OTOG: variants seen among roughly 807,000 people sequenced by gnomAD.
OTOG encodes otogelin.
OTOG carries 296 observed loss-of-function variants against 313.8 expected under a neutral mutation model. The observed-to-expected ratio is 0.94, with a 90% CI of 0.86 to 1.04. The LOEUF is 1.04. Among genes scored for constraint, OTOG ranks in the 50% least tolerant of loss-of-function variants. The probability of loss-of-function intolerance (pLI) is 0.00; values close to 1 mark genes in which losing one functional copy is unlikely to be tolerated. For synonymous variants in OTOG, 1,533 were observed against 1,554.9 expected, an observed-to-expected ratio of 0.99 and a Z score of 0.33; for missense variants, 3,948 against 3,840.1, an observed-to-expected ratio of 1.03 and a Z score of -0.74.
Position 17,594,039 on chromosome 11 carries a change from C to T in OTOG, c.3289-8C>T, listed in dbSNP as rs12792504. 9.5e-5 allele frequency: 148 copies of T among 1,550,476 alleles called. No individual in the cohort carries two copies. The highest frequency in any genetic ancestry group is 1.2e-4 in the Non-Finnish European group (142 of 1,147,004). On this transcript the variant is annotated splice_region_variant and splice_polypyrimidine_tract_variant and intron_variant, in intron 27 of 55. Coordinates refer to ENST00000399397, the MANE Select transcript of OTOG (RefSeq NM_001292063.2). The stretch of plus-strand genomic sequence containing the variant: ...TGCAACTGACCATGGTGTCCTCTCT[C>T]CTTTCAGGGCCAGCTGGCGGGCCTC...
Position 17,611,004 on chromosome 11 carries a change from C to A in OTOG, c.5704C>A (p.Pro1902Thr). 6.4e-7 allele frequency: 1 copy of A among 1,550,568 alleles called. No homozygotes were observed. The highest frequency in any genetic ancestry group is 2.0e-5 in the Admixed American group (1 of 51,010). Residue 1902 changes from proline (P) to threonine (T), a missense_variant, in exon 36 of 56, where the codon CCA (proline) becomes ACA (threonine). Physicochemically the swap from Pro to Thr is conservative, Grantham distance 38. Transcript: ENST00000399397. ...CACGGCCTCCATGGTATCTGTTGTC[C>A]CACGAAAGAGCACCACAGGGAAGGT... ...EGTASMVSVV[P>T]RKSTTGKVAI...
chr11:17,639,641 A>G (rs141906256), intron 49 of OTOG, among the ~76,000 whole-genome samples, 178 bp downstream of exon 49: 96 of 152,308 alleles, frequency 6.3e-4, no homozygotes, highest in African/African-American at 2.0e-3. Flanking sequence ...TCCTTTGTAA[A>G]GTGGACATAA....
chr11:17,645,475 A>G, intron 54 of OTOG, 89 bp from the exon 55 acceptor site: 2 of 1,231,600 alleles, frequency 1.6e-6, no homozygotes, highest in Non-Finnish European at 2.3e-6. Flanking sequence ...ACCCTCCAGC[A>G]TGACACTAAC....
chr11:17,635,240 G>A, intron 46 of OTOG, 53 bp downstream of exon 46: 1 of 1,424,126 alleles, frequency 7.0e-7, no homozygotes, highest in Non-Finnish European at 9.5e-7. Context: ...CAGTCCGCCG[G>A]CCTCACCCCT....
intron 14 of OTOG, 43 bp downstream of exon 14, chr11:17,561,180 T>A: frequency 6.5e-7 from 1 of 1,548,766 alleles, no homozygotes; most frequent in South Asian, 1.2e-5. Context: ...CTTCTACCAG[T>A]CTGATAGGTT....
Position 17,604,534 on chromosome 11 carries a change from C to G in OTOG, c.3878-1323C>G, listed in dbSNP as rs1214019635. On this transcript the variant is annotated intron_variant, in intron 32 of 55. Coordinates refer to ENST00000399397, the MANE Select transcript of OTOG (RefSeq NM_001292063.2). ...CTGCATCCAGCCCTGCCTCCCTCAT[C>G]CGCCGTCAGTGTGACTCTGGGCCTC... Among the ~76,000 whole-genome samples the G allele has an allele frequency of 2.0e-5, 3 of 152,350 alleles. No homozygotes were observed. In the East Asian group the frequency reaches 5.8e-4, roughly 29 times the overall value.
chr11:17,547,455 T>C lies in OTOG; in HGVS notation c.83T>C (p.Val28Ala). Residue 28 changes from valine to alanine, a missense_variant, in exon 1 of 56, where the codon GTG (valine) becomes GCG (alanine). Physicochemically the swap from Val to Ala is moderately conservative, Grantham distance 64. Transcript: ENST00000399397. The part of the protein sequence containing the change: ...WGEQAAESLR[V>A]QRLAAAPVLW... ...GAGCAGGCAGCCGAGTCCCTGCGGG[T>C]GCAGCGCCTCGGTGAGAGGGTTGTG... The C allele has an allele frequency of 7.3e-7, 1 of 1,374,868 alleles. No homozygotes were observed. Among genetic ancestry groups the C allele is most frequent in the Non-Finnish European group, 9.3e-7 (1 of 1,069,944 alleles). 85.2% of individuals were successfully genotyped at this position (1,374,868 alleles called of 1,614,324 possible).
intron 38 of OTOG, among the ~76,000 whole-genome samples, chr11:17,613,190 C>CTTTCTTTCT (rs1853613048): frequency 1.0e-5 from 1 of 98,166 alleles, no homozygotes; most frequent in African/African-American, 5.3e-5. Flanking sequence ...TTCTTTCTTT[C>CTTTCTTTCT]TTTCTTTTCT....
At chr11:17,622,616 C>A (rs1853891592) in intron 39 of OTOG, among the ~76,000 whole-genome samples, 1 of 152,110 alleles carries the variant, frequency 6.6e-6, no homozygotes, top group Non-Finnish European at 1.5e-5. Flanking sequence ...GTTTGTCTTT[C>A]TGTGCCTGCT....
At chr11:17,590,293 G>T (rs75755260) in intron 24 of OTOG, among the ~76,000 whole-genome samples, 1 of 152,108 alleles carries the variant, frequency 6.6e-6, no homozygotes, top group Non-Finnish European at 1.5e-5. Context: ...TTCTCCCTCA[G>T]CCTTCCCCAT....
At chr11:17,617,134 C>A (rs550764830) in intron 39 of OTOG, among the ~76,000 whole-genome samples, 2 of 152,156 alleles carry the variant, frequency 1.3e-5, no homozygotes, top group South Asian at 4.1e-4. Context: ...TTCTTTTTCA[C>A]ATTATTAATT....
chr11:17,553,571 G>T (rs1160501564), intron 6 of OTOG, 52 bp downstream of exon 6: 3 of 1,370,964 alleles, frequency 2.2e-6, no homozygotes, highest in Non-Finnish European at 2.8e-6. Context: ...AGGCCCTGGA[G>T]GCTGCACTGG....
rs1852121205 is a variant in OTOG, at chr11:17,559,112, C to A, written c.1164C>A (p.Ala388=). 1 of 1,544,420 alleles carries A rather than the reference C, an allele frequency of 6.5e-7. No individual in the cohort carries two copies. The highest frequency in any genetic ancestry group is 8.7e-7 in the Non-Finnish European group (1 of 1,146,960). ...TGGCGGAGTATGCCCGGGCGTGTGC[C>A]CAGGCAGGGCGGCCCTTGCAAGGCT... ...RALAEYARAC[A]QAGRPLQGWR... The change falls in exon 11 of 56, where the codon GCC becomes GCA. Residue 388 remains alanine (A), a synonymous_variant. Coordinates refer to ENST00000399397, the MANE Select transcript of OTOG (RefSeq NM_001292063.2).
At chr11:17,613,740 C>T in intron 39 of OTOG, 39 bp downstream of exon 39, 1 of 1,520,330 alleles carries the variant, frequency 6.6e-7, no homozygotes, top group Non-Finnish European at 8.9e-7. Flanking sequence ...GGCAGGGCCA[C>T]AGTCAGCTGA....
At position 17,586,543 on chromosome 11, in the gene OTOG, T is replaced by G; in HGVS notation, c.2829T>G (p.Tyr943Ter). The G allele has an allele frequency of 6.9e-7, 1 of 1,441,628 alleles. No homozygotes were observed. Among genetic ancestry groups the G allele is most frequent in the Non-Finnish European group, 9.1e-7 (1 of 1,092,908 alleles). 89.3% of individuals were successfully genotyped at this position (1,441,628 alleles called of 1,614,324 possible). Residue 943 changes from tyrosine (Y) to a stop codon, truncating the protein, a stop_gained, in exon 24 of 56, where the codon TAT becomes TAG. Coordinates refer to ENST00000399397, the MANE Select transcript of OTOG (RefSeq NM_001292063.2). LOFTEE classifies it high-confidence loss of function. ...CCTGCACTTGGAAGGGGAAGGAGTA[T>G]TTCCCTGGGGACCAGGTGATGTCTC... The part of the protein sequence containing the change: ...ECPCTWKGKE[Y>*]FPGDQVMSPC...
intron 35 of OTOG, among the ~76,000 whole-genome samples, 161 bp downstream of exon 35, chr11:17,609,370 C>G (rs578111218): frequency 2.0e-5 from 3 of 152,132 alleles, no homozygotes; most frequent in African/African-American, 7.2e-5. Context: ...AGGCCTCATC[C>G]GGTCTATTCG....
At chr11:17,564,414 A>T (rs1350839727) in intron 15 of OTOG, among the ~76,000 whole-genome samples, 1 of 152,210 alleles carries the variant, frequency 6.6e-6, no homozygotes, top group East Asian at 1.9e-4. Flanking sequence ...TGAGCCTAAA[A>T]ATATTCATAG....
rs549539950 is a variant in OTOG at position 17,618,066 on chromosome 11, A to AT, written c.6528+4373dup. ...TAGCTGGGACTACAGGCACCAGCCA[A>AT]TTTTTTTTGTATTTTTAGTAGAGAC... On this transcript the variant is annotated intron_variant, in intron 39 of 55. Coordinates refer to ENST00000399397, the MANE Select transcript of OTOG (RefSeq NM_001292063.2). 9.3e-3 allele frequency among the ~76,000 whole-genome samples: 1,407 copies of AT among 151,440 alleles called. 21 individuals carry two copies. The highest frequency in any genetic ancestry group is 0.032 in the African/African-American group (1,340 of 41,328).
intron 23 of OTOG, among the ~76,000 whole-genome samples, chr11:17,578,850 G>A (rs762745804): frequency 1.6e-4 from 24 of 152,178 alleles, no homozygotes; most frequent in Non-Finnish European, 2.8e-4. Flanking sequence ...TGTCTGGCAC[G>A]CTGGGCACTG....
Sources: gnomAD v4.1 joint callset for allele counts (sites outside exome capture counted in the v4.1 genomes callset) on GRCh38, gnomAD v4.1.1 for gene constraint, MANE v1.5 for transcripts, NCBI Gene and HGNC (gene_info 2026-07-23, HGNC 2026-07-21) for gene names.